FNBP1L: variants seen among roughly 807,000 people sequenced by gnomAD.
FNBP1L encodes the protein formin-binding protein 1-like.
In FNBP1L, 36 loss-of-function variants were observed where a neutral mutation model predicts 91.2. The observed-to-expected ratio is 0.39, with a 90% CI of 0.30 to 0.52. The LOEUF is 0.52. Ranked by LOEUF, FNBP1L falls within the 20% of genes least tolerant of loss-of-function variation. The pLI is 0.66. For synonymous variants in FNBP1L, 242 were observed against 237.0 expected (o/e 1.02, Z -0.19); for missense variants, 571 against 732.1 (o/e 0.78, Z 2.54).
intron 1 of FNBP1L, among the ~76,000 whole-genome samples, chr1:93,481,984 AC>A (rs1269027048): frequency 6.6e-6 from 1 of 151,924 alleles, no homozygotes; most frequent in Non-Finnish European, 1.5e-5. Flanking sequence ...ACATGGCGAA[AC>A]CCCATCTCCA....
At chr1:93,455,692 T>C (rs529231352) in intron 1 of FNBP1L, among the ~76,000 whole-genome samples, 6 of 152,260 alleles carry the variant, frequency 3.9e-5, no homozygotes, top group Non-Finnish European at 8.8e-5. Flanking sequence ...ATTTATGTAC[T>C]AAGAGTATTC....
rs966943151 is a variant in FNBP1L at position 93,553,593 on chromosome 1, T to C, written c.*1177T>C. On this transcript the variant is annotated 3_prime_UTR_variant, in exon 17 of 17. Transcript: ENST00000271234. ...GGGTTATGACGATCATGTTTGATAA[T>C]TACAATGATAGTCTCTTTCCACGTG... The C allele has an allele frequency of 2.6e-5, 4 of 152,666 alleles. No individual in the cohort carries two copies. Among genetic ancestry groups the C allele is most frequent in the African/African-American group, 9.6e-5 (4 of 41,456 alleles). 9.5% of individuals were successfully genotyped at this position (152,666 alleles called of 1,614,324 possible).
intron 1 of FNBP1L, among the ~76,000 whole-genome samples, chr1:93,492,436 G>A (rs1456540716): frequency 6.6e-6 from 1 of 152,154 alleles, no homozygotes; most frequent in African/African-American, 2.4e-5. Context: ...GGAGAAAAGA[G>A]CTTAGAACTT....
intron 1 of FNBP1L, among the ~76,000 whole-genome samples, chr1:93,454,410 CAGA>C (rs1420903242): frequency 6.6e-6 from 1 of 151,956 alleles, no homozygotes; most frequent in Non-Finnish European, 1.5e-5. Flanking sequence ...TAAAAATTCA[CAGA>C]AGAAAATCTT....
intron 10 of FNBP1L, among the ~76,000 whole-genome samples, chr1:93,538,565 G>C (rs1477544708): frequency 6.6e-6 from 1 of 151,830 alleles, no homozygotes; most frequent in Non-Finnish European, 1.5e-5. Context: ...TTTTTCTTTT[G>C]ATTACCGTTT....
rs116486746 is a variant in FNBP1L, at chr1:93,531,886, A to C, written c.639+1003A>C. ...CAAGGAGTGTAACTGCTGTCAATGA[A>C]ACAGCAAGGTCAGTGCTGGCAAATA... On this transcript the variant is annotated intron_variant, in intron 7 of 16. Transcript: ENST00000271234. 8.8e-3 allele frequency among the ~76,000 whole-genome samples: 1,337 copies of C among 152,266 alleles called. 18 individuals are homozygous for C. Among genetic ancestry groups the C allele is most frequent in the African/African-American group, 0.031 (1,275 of 41,532 alleles).
At chr1:93,546,701 C>A (rs1672251730) in intron 12 of FNBP1L, 141 bp from the exon 13 acceptor site, 1 of 790,316 alleles carries the variant, frequency 1.3e-6, no homozygotes, top group Admixed American at 3.0e-5. Flanking sequence ...TGTCTTTAAT[C>A]AGGTCATGTT....
intron 1 of FNBP1L, among the ~76,000 whole-genome samples, chr1:93,459,217 C>T (rs1159874043): frequency 1.3e-5 from 2 of 152,170 alleles, no homozygotes; most frequent in Admixed American, 6.5e-5. Context: ...GCTGAAATCA[C>T]GCCACTGCAC....
intron 1 of FNBP1L, among the ~76,000 whole-genome samples, chr1:93,472,811 CAAAAAAAAAAAAAAAAAAAA>C (rs57548632): frequency 3.4e-4 from 16 of 46,862 alleles, no homozygotes; most frequent in African/African-American, 5.5e-4. Flanking sequence ...GACTCCATCT[CAAAAAAAAAAAAAAAAAAAA>C]AAAAAAAAAA....
chr1:93,459,563 A>C (rs1439749871), intron 1 of FNBP1L, among the ~76,000 whole-genome samples: 1 of 152,234 alleles, frequency 6.6e-6, no homozygotes, highest in Non-Finnish European at 1.5e-5. Context: ...TTACTAAAAA[A>C]AGGAAAGATA....
intron 12 of FNBP1L, among the ~76,000 whole-genome samples, chr1:93,545,408 C>T (rs570151778): frequency 6.6e-6 from 1 of 152,000 alleles, no homozygotes; most frequent in Non-Finnish European, 1.5e-5. Flanking sequence ...ATCTCCATGT[C>T]CAAAACAAGA....
intron 11 of FNBP1L, among the ~76,000 whole-genome samples, chr1:93,541,553 A>G (rs1672044629): frequency 6.8e-6 from 1 of 147,490 alleles, no homozygotes; most frequent in Non-Finnish European, 1.5e-5. Flanking sequence ...TAGAAACACA[A>G]ATGATCTAAA....
chr1:93,491,113 T>A (rs865845234), intron 1 of FNBP1L, among the ~76,000 whole-genome samples: 15 of 151,974 alleles, frequency 9.9e-5, no homozygotes, highest in African/African-American at 3.1e-4. Context: ...CTACTTTTTT[T>A]AAAAAATTAT....
intron 13 of FNBP1L, among the ~76,000 whole-genome samples, 183 bp downstream of exon 13, chr1:93,547,157 A>G (rs932300535): frequency 1.3e-5 from 2 of 152,150 alleles, no homozygotes; most frequent in Non-Finnish European, 2.9e-5. Context: ...ACCTTTATAT[A>G]AGATTAAACA....
chr1:93,515,465 C>T (rs1319006456), intron 2 of FNBP1L, among the ~76,000 whole-genome samples: 2 of 151,918 alleles, frequency 1.3e-5, no homozygotes, highest in African/African-American at 2.4e-5. Flanking sequence ...CACATGCACA[C>T]GTATATTTAT....
At chr1:93,517,541 C>A (rs1197211626) in intron 2 of FNBP1L, among the ~76,000 whole-genome samples, 2 of 152,180 alleles carry the variant, frequency 1.3e-5, no homozygotes, top group Non-Finnish European at 2.9e-5. Flanking sequence ...TTTTCTGTTA[C>A]CCATATGTCT....
chr1:93,499,438 T>G (rs2101724942), intron 1 of FNBP1L, 30 bp from the exon 2 acceptor site: 1 of 1,416,166 alleles, frequency 7.1e-7, no homozygotes, highest in East Asian at 2.4e-5. Context: ...TTTAGACTTT[T>G]GAAAATGCAT....
intron 1 of FNBP1L, among the ~76,000 whole-genome samples, chr1:93,474,343 T>C (rs1180226773): frequency 3.3e-5 from 5 of 152,158 alleles, no homozygotes; most frequent in Non-Finnish European, 4.4e-5. Context: ...AGGGAAACCA[T>C]TGATAATAGT....
chr1:93,547,512 C>A, intron 14 of FNBP1L, 71 bp downstream of exon 14: 1 of 1,301,684 alleles, frequency 7.7e-7, no homozygotes, highest in Non-Finnish European at 1.1e-6. Flanking sequence ...AAACTTTATA[C>A]AATTCGTTTT....
Sources: gnomAD v4.1 joint callset for allele counts (sites outside exome capture counted in the v4.1 genomes callset) on GRCh38, gnomAD v4.1.1 for gene constraint, MANE v1.5 for transcripts, NCBI Gene and HGNC (gene_info 2026-07-23, HGNC 2026-07-21) for gene names.